EVA1A: variants seen among roughly 807,000 people sequenced by gnomAD.
The protein encoded by EVA1A is eva-1 homolog A, regulator of programmed cell death, also known as protein eva-1 homolog A.
In EVA1A, 7 loss-of-function variants were observed where a neutral mutation model predicts 9.8. The observed-to-expected ratio is 0.71, with a 90% CI of 0.41 to 1.34. The LOEUF (loss-of-function observed/expected upper bound fraction) is 1.34. Ranked by LOEUF, EVA1A falls within the 40% of genes most tolerant of loss-of-function variation. The pLI, the probability that EVA1A is intolerant of heterozygous loss-of-function variation, is 0.01. For synonymous variants in EVA1A, 90 were observed against 85.6 expected, an observed-to-expected ratio of 1.05 and a Z score of -0.28; for missense variants, 206 against 205.9, an observed-to-expected ratio of 1.00 and a Z score of 0.00.
chr2:75,500,729 C>T (rs7597267), intron 3 of EVA1A, among the ~76,000 whole-genome samples: 6,608 of 151,480 alleles, frequency 0.044, 496 homozygotes, highest in African/African-American at 0.15. Context: ...TCTCTCCCTT[C>T]CTCCCTCCCT....
At position 75,521,493 on chromosome 2, in the gene EVA1A, T is replaced by A. The variant is rs546194894; in HGVS notation, c.-69+872A>T. On this transcript the variant is annotated intron_variant, in intron 2 of 3. Coordinates refer to ENST00000393913, the MANE Select transcript of EVA1A (RefSeq NM_001135032.2). ...TGTTGTCTACACATACAATGCAATA[T>A]TACGCACAGCCTTAAAAAGGAAGGC... Among the ~76,000 whole-genome samples the A allele has an allele frequency of 2.6e-5, 4 of 152,324 alleles. No homozygotes were observed. The South Asian group carries it at 8.3e-4, about 32-fold the overall frequency.
intron 3 of EVA1A, among the ~76,000 whole-genome samples, chr2:75,507,667 C>G (rs116403185): frequency 0.015 from 2,348 of 152,296 alleles, 58 homozygotes; most frequent in African/African-American, 0.054. Flanking sequence ...AAAGCCCAAA[C>G]TGTTCCTCAA....
chr2:75,568,029 T>G lies in EVA1A; in HGVS notation c.-192+1447A>C, dbSNP rs1677059242. ...ATTTATTTTAAATGGCTTGCTATAC[T>G]TCCCAGAAGCATAAGGTTTACTTGT... On this transcript the variant is annotated intron_variant, in intron 1 of 3. Transcript: ENST00000233712. Among the ~76,000 whole-genome samples the G allele has an allele frequency of 2.0e-5, 3 of 152,204 alleles. No homozygotes were observed. The South Asian group carries it at 6.2e-4, about 31-fold the overall frequency.
intron 1 of EVA1A, among the ~76,000 whole-genome samples, chr2:75,524,665 T>A (rs4853158): frequency 0.18 from 26,817 of 152,082 alleles, 2,696 homozygotes; most frequent in East Asian, 0.28. Flanking sequence ...TCTTCAATCT[T>A]CTCATTCCAT....
At chr2:75,508,222 G>A (rs1674685327) in intron 3 of EVA1A, among the ~76,000 whole-genome samples, 1 of 152,202 alleles carries the variant, frequency 6.6e-6, no homozygotes, top group Non-Finnish European at 1.5e-5. Context: ...AAAAAGAACA[G>A]GATAACAGCA....
intron 1 of EVA1A, among the ~76,000 whole-genome samples, chr2:75,539,548 C>A (rs188093845): frequency 1.8e-4 from 28 of 152,180 alleles, no homozygotes; most frequent in African/African-American, 5.8e-4. Context: ...GTATTTGCAG[C>A]AGAAGGAATT....
At chr2:75,512,490 GAA>G (rs921644638) in intron 3 of EVA1A, among the ~76,000 whole-genome samples, 20 of 152,098 alleles carry the variant, frequency 1.3e-4, no homozygotes, top group African/African-American at 4.6e-4. Flanking sequence ...CTTGGAAAAG[GAA>G]AAGAGTGTGC....
At chr2:75,538,584 T>C (rs1312206497) in intron 1 of EVA1A, among the ~76,000 whole-genome samples, 1 of 152,204 alleles carries the variant, frequency 6.6e-6, no homozygotes, top group Admixed American at 6.5e-5. Context: ...AAACTGGAAA[T>C]AATTCATACA....
intron 3 of EVA1A, among the ~76,000 whole-genome samples, chr2:75,508,383 C>A (rs1397781743): frequency 1.3e-5 from 2 of 152,144 alleles, no homozygotes; most frequent in Admixed American, 1.3e-4. Flanking sequence ...AAAGAGAATA[C>A]ATGCCTGGGG....
chr2:75,519,163 G>C (rs1256227834), intron 2 of EVA1A, among the ~76,000 whole-genome samples: 1 of 152,218 alleles, frequency 6.6e-6, no homozygotes, highest in East Asian at 1.9e-4. Context: ...TTTACAGAGA[G>C]CTCCTGGGCA....
chr2:75,538,120 T>C (rs1350746825), intron 1 of EVA1A, among the ~76,000 whole-genome samples: 1 of 151,986 alleles, frequency 6.6e-6, no homozygotes, highest in Non-Finnish European at 1.5e-5. Flanking sequence ...TGAAACCCTG[T>C]CTCTACTAAA....
At chr2:75,551,217 T>C (rs1676511635) in intron 1 of EVA1A, among the ~76,000 whole-genome samples, 1 of 152,226 alleles carries the variant, frequency 6.6e-6, no homozygotes, top group Non-Finnish European at 1.5e-5. Flanking sequence ...CTAGCTGCTG[T>C]CTTTTCTTGC....
rs1466531606 is a variant in EVA1A at position 75,522,457 on chromosome 2, A to G, written c.-161T>C. 6.6e-6 allele frequency: 1 copy of G among 152,188 alleles called. No individual in the cohort carries two copies. Among genetic ancestry groups the G allele is most frequent in the East Asian group, 1.9e-4 (1 of 5,186 alleles). 9.4% of individuals were successfully genotyped at this position (152,188 alleles called of 1,614,324 possible). On this transcript the variant is annotated 5_prime_UTR_variant, in exon 2 of 4. Transcript: ENST00000393913. ...GGCATCAGCCAGTAGAGGTTCTAAA[A>G]CTTGTTTGGCCCCAGTTGGCTTCTC...
intron 1 of EVA1A, among the ~76,000 whole-genome samples, chr2:75,546,485 G>T (rs948558897): frequency 4.6e-5 from 7 of 152,118 alleles, no homozygotes; most frequent in Admixed American, 4.6e-4. Context: ...AAATCCATCT[G>T]AACTGTAGTA....
intron 1 of EVA1A, among the ~76,000 whole-genome samples, chr2:75,543,271 A>C (rs2103945320): frequency 6.6e-6 from 1 of 152,280 alleles, no homozygotes; most frequent in Middle Eastern, 3.4e-3. Flanking sequence ...ACTTGCCCAC[A>C]TTCTATTCCT....
At chr2:75,554,381 C>T (rs79344646) in intron 1 of EVA1A, among the ~76,000 whole-genome samples, 4,290 of 152,212 alleles carry the variant, frequency 0.028, 114 homozygotes, top group East Asian at 0.11. Context: ...AGTTTTTGAA[C>T]CCCAGAACAA....
At chr2:75,543,653 G>A (rs1168414897) in intron 1 of EVA1A, among the ~76,000 whole-genome samples, 1 of 152,174 alleles carries the variant, frequency 6.6e-6, no homozygotes, top group African/African-American at 2.4e-5. Context: ...GACCTGTGTG[G>A]CTTCTTGGGG....
intron 1 of EVA1A, among the ~76,000 whole-genome samples, chr2:75,543,720 T>G (rs1676222243): frequency 6.6e-6 from 1 of 152,058 alleles, no homozygotes; most frequent in Non-Finnish European, 1.5e-5. Context: ...GGGGAACTAG[T>G]CCTACAACCA....
intron 3 of EVA1A, among the ~76,000 whole-genome samples, chr2:75,517,285 T>A (rs910180437): frequency 6.6e-6 from 1 of 152,100 alleles, no homozygotes; most frequent in African/African-American, 2.4e-5. Context: ...GAAATCCAAT[T>A]GAAACCCTAG....
Sources: gnomAD v4.1 joint callset for allele counts (sites outside exome capture counted in the v4.1 genomes callset) on GRCh38, gnomAD v4.1.1 for gene constraint, MANE v1.5 for transcripts, NCBI Gene and HGNC (gene_info 2026-07-23, HGNC 2026-07-21) for gene names.